Variants in KIAA1328 observed in about 807,000 individuals in gnomAD.
The protein encoded by KIAA1328 is KIAA1328, also known as protein hinderin.
A neutral mutation model predicts 68.1 loss-of-function variants in KIAA1328; 52 were observed. The observed-to-expected ratio is 0.76, with a 90% confidence interval of 0.61 to 0.96. The LOEUF is 0.96. Among genes scored for constraint, KIAA1328 ranks in the 40% least tolerant of loss-of-function variants. The pLI is 0.00. For synonymous variants in KIAA1328, 232 were observed against 239.4 expected (o/e 0.97, Z 0.28); for missense variants, 641 against 677.6 (o/e 0.95, Z 0.60).
At chr18:37,131,975 TA>T (rs1190195313) in intron 7 of KIAA1328, among the ~76,000 whole-genome samples, 2 of 152,200 alleles carry the variant, frequency 1.3e-5, no homozygotes, top group Non-Finnish European at 2.9e-5. Context: ...TGTGTCCTTT[TA>T]AGTGTTTTCT....
At chr18:37,213,862 C>T (rs556185084) in intron 9 of KIAA1328, among the ~76,000 whole-genome samples, 18 of 152,238 alleles carry the variant, frequency 1.2e-4, no homozygotes, top group Non-Finnish European at 2.9e-5. Flanking sequence ...GAGATGGTAT[C>T]TCATTGTGAT....
chr18:36,842,226 G>A (rs2046882573), intron 3 of KIAA1328, among the ~76,000 whole-genome samples: 2 of 152,044 alleles, frequency 1.3e-5, no homozygotes, highest in Non-Finnish European at 2.9e-5. Flanking sequence ...GCTGCAACTT[G>A]GACCTCTGGT....
chr18:37,167,826 G>A (rs2059421244), intron 8 of KIAA1328, among the ~76,000 whole-genome samples: 2 of 152,032 alleles, frequency 1.3e-5, no homozygotes, highest in African/African-American at 4.8e-5. Context: ...CAGGCCCAAT[G>A]GTGGAACCCT....
intron 6 of KIAA1328, among the ~76,000 whole-genome samples, chr18:36,962,827 A>G (rs896652432): frequency 4.6e-5 from 7 of 152,236 alleles, no homozygotes; most frequent in East Asian, 1.9e-4. Flanking sequence ...CACTGTGTAG[A>G]GGGAAATTTA....
At chr18:36,857,151 G>C (rs1275246301) in intron 4 of KIAA1328, among the ~76,000 whole-genome samples, 1 of 152,110 alleles carries the variant, frequency 6.6e-6, no homozygotes, top group Admixed American at 6.6e-5. Context: ...CTTTTATAAG[G>C]TCTTTTCTGA....
intron 9 of KIAA1328, among the ~76,000 whole-genome samples, chr18:37,180,798 G>A (rs1415854023): frequency 6.6e-6 from 1 of 151,984 alleles, no homozygotes; most frequent in Non-Finnish European, 1.5e-5. Context: ...CCTCTGCTGG[G>A]GTTTTCATAG....
chr18:37,078,734 C>A (rs1008901277), intron 7 of KIAA1328, among the ~76,000 whole-genome samples: 6 of 151,176 alleles, frequency 4.0e-5, no homozygotes, highest in Non-Finnish European at 8.8e-5. Context: ...AAAAAATGCT[C>A]ACCATCACTG....
At chr18:37,025,609 G>T (rs1240187366) in intron 6 of KIAA1328, among the ~76,000 whole-genome samples, 1 of 152,158 alleles carries the variant, frequency 6.6e-6, no homozygotes, top group Non-Finnish European at 1.5e-5. Flanking sequence ...TGAACAACCT[G>T]CTCCTGAATG....
chr18:36,859,858 G>T (rs1422064037), intron 4 of KIAA1328, among the ~76,000 whole-genome samples: 1 of 149,506 alleles, frequency 6.7e-6, no homozygotes, highest in Non-Finnish European at 1.5e-5. Context: ...TTTTTTACAG[G>T]AGTTGAATTT....
chr18:36,883,041 C>T (rs1462163970), intron 4 of KIAA1328, among the ~76,000 whole-genome samples: 1 of 152,136 alleles, frequency 6.6e-6, no homozygotes, highest in South Asian at 2.1e-4. Context: ...AGTAGGTATT[C>T]ACTAAATACC....
intron 5 of KIAA1328, among the ~76,000 whole-genome samples, chr18:36,939,854 G>A (rs917185644): frequency 2.0e-5 from 3 of 151,888 alleles, no homozygotes; most frequent in Non-Finnish European, 2.9e-5. Flanking sequence ...TGATCACCAC[G>A]GTTTTTATTG....
At chr18:36,949,838 AC>A (rs2051084741) in intron 5 of KIAA1328, among the ~76,000 whole-genome samples, 1 of 772 alleles carries the variant, frequency 1.3e-3, no homozygotes, top group Non-Finnish European at 2.7e-3. Flanking sequence ...GTGCTTTATT[AC>A]CCTCCCCCAA....
In KIAA1328 at chr18:37,222,905, T is replaced by C; in HGVS notation, c.*678T>C. The C allele has an allele frequency of 1.0e-6, 1 of 985,758 alleles. No individual in the cohort carries two copies. Among genetic ancestry groups the C allele is most frequent in the Non-Finnish European group, 1.2e-6 (1 of 830,576 alleles). 61.1% of individuals were successfully genotyped at this position (985,758 alleles called of 1,614,324 possible). ...AGCAGCACTAAATCACATCAGGGAG[T>C]GATTAGTCCTGGGGAAATTCAGTGG... is the stretch of plus-strand genomic sequence containing the variant. On this transcript the variant is annotated 3_prime_UTR_variant, in exon 10 of 10. Transcript: ENST00000280020.
chr18:37,224,610 A>G lies in KIAA1328; in HGVS notation c.*2383A>G, dbSNP rs1034932383. Reference sequence around the variant, plus strand: ...TATTTAAATTTACTTTGAAATATATACATACATATGAATGAAAGGTTGTTA... The same window carrying G: ...TATTTAAATTTACTTTGAAATATATGCATACATATGAATGAAAGGTTGTTA... On this transcript the variant is annotated 3_prime_UTR_variant, in exon 10 of 10. Transcript: ENST00000280020. 5.1e-6 allele frequency: 5 copies of G among 975,088 alleles called. No individual in the cohort carries two copies. The highest frequency in any genetic ancestry group is 3.7e-6 in the Non-Finnish European group (3 of 820,684). The allele number at this position is 975,088 out of a possible 1,614,324, so 60.4% of individuals were successfully genotyped here.
chr18:36,935,633 T>C (rs1568183619), intron 5 of KIAA1328, among the ~76,000 whole-genome samples: 1 of 152,174 alleles, frequency 6.6e-6, no homozygotes, highest in Non-Finnish European at 1.5e-5. Flanking sequence ...CCTTTCATAG[T>C]ATTCTTCATC....
At chr18:37,112,759 G>C (rs1179628635) in intron 7 of KIAA1328, among the ~76,000 whole-genome samples, 2 of 152,106 alleles carry the variant, frequency 1.3e-5, no homozygotes, top group Non-Finnish European at 2.9e-5. Context: ...TGAATACCTT[G>C]AAAAAAGATT....
chr18:37,163,089 A>G (rs1467489278), intron 8 of KIAA1328, among the ~76,000 whole-genome samples: 3 of 152,204 alleles, frequency 2.0e-5, no homozygotes, highest in African/African-American at 7.2e-5. Flanking sequence ...AAATCTGGAA[A>G]CACCTGATTT....
At chr18:37,211,337 A>C (rs147799669) in intron 9 of KIAA1328, among the ~76,000 whole-genome samples, 77 of 152,354 alleles carry the variant, frequency 5.1e-4, no homozygotes, top group Non-Finnish European at 9.4e-4. Flanking sequence ...CAATAAAATA[A>C]GAAAATTATT....
At chr18:37,214,873 TG>T (rs1171650124) in intron 9 of KIAA1328, among the ~76,000 whole-genome samples, 1 of 152,184 alleles carries the variant, frequency 6.6e-6, no homozygotes, top group Non-Finnish European at 1.5e-5. Context: ...TCACATCCCT[TG>T]TAAGTTGTAT....
Sources: allele counts gnomAD v4.1 joint callset (sites outside exome capture counted in the v4.1 genomes callset), GRCh38; gene constraint gnomAD v4.1.1; transcripts MANE v1.5; gene names NCBI Gene and HGNC (gene_info 2026-07-23, HGNC 2026-07-21).